MEIKIN: variants seen among roughly 807,000 people sequenced by gnomAD.
The protein encoded by MEIKIN is meiotic kinetochore factor.
intron 4 of MEIKIN, among the ~76,000 whole-genome samples, chr5:131,935,284 A>G (rs1284713247): frequency 6.6e-6 from 1 of 150,574 alleles, no homozygotes; most frequent in African/African-American, 2.4e-5. Flanking sequence ...AAAAAAAAAA[A>G]AAAAAGAAAG....
chr5:131,911,862 T>C lies in MEIKIN; in HGVS notation c.656A>G (p.Asp219Gly), dbSNP rs1751339432. Residue 219 changes from aspartate (D) to glycine (G), a missense_variant, in exon 8 of 13, where the codon GAT becomes GGT. Physicochemically the swap from Asp to Gly is moderately conservative, Grantham distance 94. Transcript: ENST00000442687. ...CTTTGCTTTTGGAGAAACATTTTGATCTGCTACTGTCATCACTCTATAACA... is the reference window on the plus strand; with the variant it reads ...CTTTGCTTTTGGAGAAACATTTTGACCTGCTACTGTCATCACTCTATAACA... ...CHRKTVMTVA[D>G]QNVSPKAKCA... 2.5e-6 allele frequency: 1 copy of C among 397,720 alleles called. No homozygotes were observed. The highest frequency in any genetic ancestry group is 4.4e-6 in the Non-Finnish European group (1 of 225,214). The allele number at this position is 397,720 out of a possible 1,614,324, so 24.6% of individuals were successfully genotyped here.
intron 9 of MEIKIN, among the ~76,000 whole-genome samples, chr5:131,874,243 C>A (rs890963661): frequency 1.3e-5 from 2 of 152,032 alleles, no homozygotes; most frequent in African/African-American, 2.4e-5. Context: ...ATTGACAGAC[C>A]GCTAGCAAGA....
chr5:131,899,502 ACACTGTC>A (rs746515665), intron 8 of MEIKIN, among the ~76,000 whole-genome samples: 1 of 151,700 alleles, frequency 6.6e-6, no homozygotes, highest in East Asian at 1.9e-4. Context: ...TAAATGGGCT[ACACTGTC>A]CAATCAAAAG....
chr5:131,933,569 T>C lies in MEIKIN; in HGVS notation c.422A>G (p.Lys141Arg). 1 of 398,928 alleles carries C rather than the reference T, an allele frequency of 2.5e-6. No homozygotes were observed. Among genetic ancestry groups the C allele is most frequent in the East Asian group, 3.6e-5 (1 of 28,050 alleles). 24.7% of individuals were successfully genotyped at this position (398,928 alleles called of 1,614,324 possible). Residue 141 changes from lysine to arginine, a missense_variant, in exon 5 of 13, where the codon AAG becomes AGG. By Grantham distance (26) the Lys-to-Arg change is conservative. Transcript: ENST00000442687. ...TGATGGAAAGCTCTCTTCAAAACTC[T>C]TGTATTCTGCATAAGAGTCTGTGAC... ...YSVTDSYAEY[K>R]SFEESFPSPE...
chr5:131,887,246 G>C (rs996580498), intron 8 of MEIKIN, among the ~76,000 whole-genome samples: 1 of 152,028 alleles, frequency 6.6e-6, no homozygotes, highest in Non-Finnish European at 1.5e-5. Flanking sequence ...GGACATTTAG[G>C]TTGGTTCCAA....
At chr5:131,920,951 C>T (rs1032826582) in intron 6 of MEIKIN, among the ~76,000 whole-genome samples, 2 of 152,114 alleles carry the variant, frequency 1.3e-5, no homozygotes, top group East Asian at 1.9e-4. Flanking sequence ...GTCCTCCCAC[C>T]TCAGTCTCCC....
At chr5:131,819,422 G>T (rs541065095) in intron 11 of MEIKIN, among the ~76,000 whole-genome samples, 2,501 of 123,746 alleles carry the variant, frequency 0.02, 41 homozygotes, top group Middle Eastern at 0.076. Flanking sequence ...GGCAGAGGGG[G>T]AGGGAGAGGG....
chr5:131,844,386 A>C (rs1749973729), intron 11 of MEIKIN, among the ~76,000 whole-genome samples: 1 of 152,230 alleles, frequency 6.6e-6, no homozygotes, highest in Non-Finnish European at 1.5e-5. Flanking sequence ...AGAGATTGAA[A>C]ACAAACAATA....
intron 5 of MEIKIN, among the ~76,000 whole-genome samples, chr5:131,925,908 T>C (rs921982218): frequency 2.0e-5 from 3 of 152,200 alleles, no homozygotes; most frequent in African/African-American, 7.2e-5. Flanking sequence ...TCTCATGTGA[T>C]CTGCCCGCCT....
At chr5:131,916,279 A>G (rs1751414775) in intron 7 of MEIKIN, among the ~76,000 whole-genome samples, 1 of 152,196 alleles carries the variant, frequency 6.6e-6, no homozygotes, top group South Asian at 2.1e-4. Context: ...ATTCACCCAA[A>G]AAAACAGCTA....
intron 11 of MEIKIN, among the ~76,000 whole-genome samples, chr5:131,820,458 T>C (rs1457084163): frequency 2.0e-5 from 3 of 152,232 alleles, no homozygotes; most frequent in Admixed American, 6.5e-5. Flanking sequence ...TCCATCAATA[T>C]TCATCAGAGA....
At chr5:131,873,215 C>T (rs576314267) in intron 9 of MEIKIN, among the ~76,000 whole-genome samples, 5 of 152,002 alleles carry the variant, frequency 3.3e-5, no homozygotes, top group South Asian at 2.1e-4. Context: ...AATTGGATAA[C>T]GAGTCAAGAC....
chr5:131,860,518 TG>T (rs1478352136), intron 9 of MEIKIN, among the ~76,000 whole-genome samples: 1 of 151,776 alleles, frequency 6.6e-6, no homozygotes, highest in African/African-American at 2.4e-5. Flanking sequence ...TGATCTCGGC[TG>T]ACTGCAACCT....
chr5:131,845,271 T>TGAAAAAAAAAAAA (rs1749995248), intron 11 of MEIKIN, among the ~76,000 whole-genome samples: 1 of 77,570 alleles, frequency 1.3e-5, no homozygotes, highest in African/African-American at 1.9e-4. Flanking sequence ...AGACTTCGTC[T>TGAAAAAAAAAAAA]TAAAAAAAAA....
At chr5:131,884,876 G>A (rs1391249043) in intron 8 of MEIKIN, among the ~76,000 whole-genome samples, 1 of 152,178 alleles carries the variant, frequency 6.6e-6, no homozygotes, top group East Asian at 1.9e-4. Flanking sequence ...AAGGAACACT[G>A]GTGGGTACCC....
chr5:131,872,148 G>C (rs1381965233), intron 9 of MEIKIN, among the ~76,000 whole-genome samples: 2 of 152,214 alleles, frequency 1.3e-5, no homozygotes, highest in East Asian at 1.9e-4. Context: ...GCTGGACGGA[G>C]AATGACTTTG....
chr5:131,914,566 GGAAGA>G (rs1327558604), intron 7 of MEIKIN, among the ~76,000 whole-genome samples: 6 of 75,632 alleles, frequency 7.9e-5, no homozygotes, highest in East Asian at 3.8e-4. Context: ...GAGGGAAGGG[GGAAGA>G]GAAGGGAAGG....
chr5:131,860,815 G>A (rs1421029187), intron 9 of MEIKIN, among the ~76,000 whole-genome samples: 1 of 120,616 alleles, frequency 8.3e-6, no homozygotes, highest in Non-Finnish European at 1.6e-5. Flanking sequence ...AGGCTGAAGT[G>A]CAGTGGCACA....
intron 9 of MEIKIN, among the ~76,000 whole-genome samples, chr5:131,875,407 G>A (rs1335525082): frequency 2.6e-5 from 4 of 152,182 alleles, no homozygotes; most frequent in African/African-American, 7.2e-5. Context: ...GCTTCAAAGA[G>A]AATAAAATAC....
Sources: allele counts gnomAD v4.1 joint callset (sites outside exome capture counted in the v4.1 genomes callset), GRCh38; gene constraint gnomAD v4.1.1; transcripts MANE v1.5; gene names NCBI Gene and HGNC (gene_info 2026-07-23, HGNC 2026-07-21).